LRRTM4: variants seen among roughly 807,000 people sequenced by gnomAD.
LRRTM4 encodes leucine rich repeat transmembrane neuronal 4.
In LRRTM4, 25 loss-of-function variants were observed where a neutral mutation model predicts 47.6. The observed-to-expected ratio is 0.53, with a 90% CI of 0.38 to 0.73. The LOEUF is 0.73. Among genes scored for constraint, LRRTM4 ranks in the 30% least tolerant of loss-of-function variants. The pLI is 0.00. For missense variants in LRRTM4, 638 were observed against 713.4 expected (o/e 0.89, Z 1.20); for synonymous variants, 311 against 269.5 (o/e 1.15, Z -1.51).
intron 3 of LRRTM4, among the ~76,000 whole-genome samples, chr2:77,119,987 T>C (rs754476599): frequency 6.6e-6 from 1 of 151,804 alleles, no homozygotes; most frequent in Non-Finnish European, 1.5e-5. Flanking sequence ...TAAATACCTA[T>C]GCTTTGCTCG....
chr2:77,083,531 A>T (rs184578903), intron 3 of LRRTM4, among the ~76,000 whole-genome samples: 1 of 152,286 alleles, frequency 6.6e-6, no homozygotes, highest in East Asian at 1.9e-4. Context: ...CTACACAGCA[A>T]TGAAAGCTAG....
At chr2:77,096,422 A>C (rs1670813609) in intron 3 of LRRTM4, among the ~76,000 whole-genome samples, 1 of 151,658 alleles carries the variant, frequency 6.6e-6, no homozygotes, top group African/African-American at 2.4e-5. Context: ...GAGTAAAGAA[A>C]AAAACTCAGA....
At chr2:76,788,072 T>C (rs1227045047) in intron 3 of LRRTM4, among the ~76,000 whole-genome samples, 1 of 152,176 alleles carries the variant, frequency 6.6e-6, no homozygotes, top group Non-Finnish European at 1.5e-5. Flanking sequence ...GTTGTTACTA[T>C]TGTTGTTAGG....
chr2:76,904,141 T>C (rs1205346202), intron 3 of LRRTM4, among the ~76,000 whole-genome samples: 1 of 152,188 alleles, frequency 6.6e-6, no homozygotes, highest in Non-Finnish European at 1.5e-5. Context: ...TGAAGCATAG[T>C]ATAATTGAGA....
chr2:77,031,092 AAT>A (rs1678636848), intron 3 of LRRTM4, among the ~76,000 whole-genome samples: 2 of 152,184 alleles, frequency 1.3e-5, no homozygotes, highest in South Asian at 4.1e-4. Context: ...GCACAATGTT[AAT>A]ATCTTATGTA....
At chr2:77,183,114 C>A (rs1463551979) in intron 3 of LRRTM4, among the ~76,000 whole-genome samples, 1 of 151,928 alleles carries the variant, frequency 6.6e-6, no homozygotes, top group African/African-American at 2.4e-5. Context: ...AGCTTCTGCA[C>A]AGCAAAAGAA....
intron 3 of LRRTM4, among the ~76,000 whole-genome samples, chr2:76,857,079 G>A (rs1277500239): frequency 6.6e-6 from 1 of 151,536 alleles, no homozygotes; most frequent in Non-Finnish European, 1.5e-5. Flanking sequence ...ACATAGGTTT[G>A]AACTACACCA....
intron 3 of LRRTM4, among the ~76,000 whole-genome samples, chr2:76,977,459 T>A (rs1213767411): frequency 6.6e-6 from 1 of 151,854 alleles, no homozygotes; most frequent in Admixed American, 6.6e-5. Context: ...AAATTACAAA[T>A]GTTGATTTGT....
intron 3 of LRRTM4, among the ~76,000 whole-genome samples, chr2:76,960,385 G>A (rs1266950112): frequency 2.0e-5 from 3 of 151,230 alleles, no homozygotes; most frequent in Non-Finnish European, 4.4e-5. Flanking sequence ...ATAAAAATAA[G>A]CATTATAATT....
chr2:77,472,767 A>C (rs142945367), intron 3 of LRRTM4, among the ~76,000 whole-genome samples: 4 of 152,168 alleles, frequency 2.6e-5, no homozygotes, highest in Non-Finnish European at 5.9e-5. Context: ...GTGTGAAACC[A>C]GGTACTGGTT....
chr2:76,751,786 G>A (rs778962890), intron 3 of LRRTM4, among the ~76,000 whole-genome samples: 1 of 152,040 alleles, frequency 6.6e-6, no homozygotes, highest in Admixed American at 6.6e-5. Flanking sequence ...AGAAAGCATC[G>A]AAATGTAAGA....
intron 3 of LRRTM4, among the ~76,000 whole-genome samples, chr2:76,918,665 C>T (rs948055645): frequency 6.6e-6 from 1 of 152,100 alleles, no homozygotes; most frequent in Non-Finnish European, 1.5e-5. Context: ...AGTTAACAGC[C>T]ATTTTCTTTC....
intron 3 of LRRTM4, among the ~76,000 whole-genome samples, chr2:77,310,546 T>C (rs1449920343): frequency 6.6e-6 from 1 of 152,092 alleles, no homozygotes; most frequent in Non-Finnish European, 1.5e-5. Flanking sequence ...GTTCTGTGGG[T>C]TTGATAACAG....
rs192731680 is a variant in LRRTM4 at position 76,982,238 on chromosome 2, G to T, written c.1552-233322C>A. ...CTTCTTGCATTTGAATACAGAAAAA[G>T]TAAGAAACCCTCAGCAGAAAAATCA... On this transcript the variant is annotated intron_variant, in intron 3 of 3. Coordinates refer to ENST00000409884, the MANE Select transcript of LRRTM4 (RefSeq NM_001134745.3). Among the ~76,000 whole-genome samples the T allele has an allele frequency of 1.3e-3, 189 of 151,136 alleles. 3 individuals are homozygous for T. In the Middle Eastern group the frequency reaches 0.02, roughly 16 times the overall value.
intron 3 of LRRTM4, among the ~76,000 whole-genome samples, chr2:77,370,766 TG>T (rs1672628224): frequency 6.6e-6 from 1 of 151,762 alleles, no homozygotes; most frequent in South Asian, 2.1e-4. Context: ...GCTCTTGTCG[TG>T]TCAGAGGATT....
chr2:77,424,400 G>A (rs1054297181), intron 3 of LRRTM4, among the ~76,000 whole-genome samples: 6 of 151,138 alleles, frequency 4.0e-5, no homozygotes, highest in African/African-American at 9.8e-5. Context: ...TTTGGCATTC[G>A]CAAGTTTTTC....
chr2:77,076,651 A>C (rs1680346393), intron 3 of LRRTM4, among the ~76,000 whole-genome samples: 1 of 152,222 alleles, frequency 6.6e-6, no homozygotes, highest in African/African-American at 2.4e-5. Context: ...ATGTATATCT[A>C]AATGACTCTA....
In LRRTM4 at chr2:77,361,851, A is replaced by G. The variant is rs372467049; in HGVS notation, c.1551+156467T>C. Among the ~76,000 whole-genome samples, 53 of 152,236 alleles carry G rather than the reference A, an allele frequency of 3.5e-4. 1 individual carries two copies. In the South Asian group the frequency reaches 0.011, roughly 32 times the overall value. On this transcript the variant is annotated intron_variant, in intron 3 of 3. Transcript: ENST00000409884. ...TACAGGTGACAAATCTGAGATTCAG[A>G]AAGAATTCTTTCACTAGAGGCCAGG...
At chr2:77,452,181 C>G (rs1322020601) in intron 3 of LRRTM4, among the ~76,000 whole-genome samples, 1 of 152,120 alleles carries the variant, frequency 6.6e-6, no homozygotes, top group African/African-American at 2.4e-5. Context: ...TTTTACAATT[C>G]TGTGGAGACC....
Sources: gnomAD v4.1 joint callset for allele counts (sites outside exome capture counted in the v4.1 genomes callset) on GRCh38, gnomAD v4.1.1 for gene constraint, MANE v1.5 for transcripts, NCBI Gene and HGNC (gene_info 2026-07-23, HGNC 2026-07-21) for gene names.